Variants in SLC28A1 observed in about 807,000 individuals in gnomAD.
SLC28A1 encodes the protein sodium/nucleoside cotransporter 1.
SLC28A1 carries 64 observed loss-of-function variants against 74.8 expected under a neutral mutation model. The ratio of observed to expected loss-of-function variants is 0.86; its 90% CI spans 0.70 to 1.05. The LOEUF is 1.05. SLC28A1 is among the 50% of genes least tolerant of loss of function. The pLI is 0.00. For synonymous variants in SLC28A1, 359 were observed against 335.0 expected (o/e 1.07, Z -0.78); for missense variants, 828 against 822.8 (o/e 1.01, Z -0.08).
chr15:84,902,521 AT>A (rs1380965665), intron 6 of SLC28A1, among the ~76,000 whole-genome samples: 5 of 151,872 alleles, frequency 3.3e-5, no homozygotes, highest in Non-Finnish European at 7.4e-5. Context: ...CAGAAAACAT[AT>A]CAACTGTTAC....
chr15:84,944,481 G>T, intron 16 of SLC28A1, 85 bp from the exon 17 acceptor site: 1 of 866,180 alleles, frequency 1.2e-6, no homozygotes, highest in South Asian at 1.4e-5. Context: ...GAGGAAGGGA[G>T]GTCAGCAGAT....
the SLC28A1 span, among the ~76,000 whole-genome samples, chr15:84,956,707 G>T: frequency 4.2e-5 from 6 of 141,446 alleles, no homozygotes; most frequent in Non-Finnish European, 7.6e-5. Flanking sequence ...GTCTTCCTGT[G>T]TTGCTAAGGC....
the SLC28A1 span, among the ~76,000 whole-genome samples, chr15:84,972,173 C>T: frequency 1.3e-5 from 2 of 152,258 alleles, no homozygotes; most frequent in South Asian, 2.1e-4. Context: ...TCCCTTCCTC[C>T]AGCCTTCTCA....
chr15:84,956,316 C>A, the SLC28A1 span, among the ~76,000 whole-genome samples: 1 of 152,146 alleles, frequency 6.6e-6, no homozygotes, highest in African/African-American at 2.4e-5. Flanking sequence ...TAATGTGTTT[C>A]TGTCTGATTA....
At chr15:84,964,328 G>A in the SLC28A1 span, among the ~76,000 whole-genome samples, 5 of 152,110 alleles carry the variant, frequency 3.3e-5, no homozygotes, top group Non-Finnish European at 7.4e-5. Flanking sequence ...AACAGGGAAG[G>A]AGGCAAGGAA....
chr15:84,975,437 G>T, the SLC28A1 span: 1 of 455,044 alleles, frequency 2.2e-6, no homozygotes, highest in African/African-American at 2.0e-5. Flanking sequence ...TAGCAGCGAT[G>T]GTTGTTGCCC....
intron 9 of SLC28A1, among the ~76,000 whole-genome samples, chr15:84,912,808 A>ATGCGCGCGCGCGCG (rs1968513676): frequency 3.9e-5 from 2 of 50,878 alleles, no homozygotes; most frequent in African/African-American, 5.8e-5. Context: ...GCGCGCGCGC[A>ATGCGCGCGCGCGCG]CACACACACA....
rs1970813142 is a variant in SLC28A1, at chr15:84,928,567, T to TCTCC, written c.1083+4457_1083+4458insCTCC. Among the ~76,000 whole-genome samples, 3 of 16,426 alleles carry TCTCC rather than the reference T, an allele frequency of 1.8e-4. 1 individual carries two copies. The highest frequency in any genetic ancestry group is 4.8e-4 in the Admixed American group (1 of 2,084). 10.8% of individuals were successfully genotyped at this position (16,426 alleles called of 152,430 possible). A position where few individuals can be genotyped will look rare whatever the true frequency, so the allele number is the denominator to read the frequency against. The stretch of plus-strand genomic sequence containing the variant: ...CTTTCTTTCTTTCTTTCTTTCTTTC[T>TCTCC]TTCTTTCTTTCTTTCTTTCTTTCTT... On this transcript the variant is annotated intron_variant, in intron 12 of 18. Transcript: ENST00000394573.
At chr15:84,943,354 G>C (rs780893667) in intron 15 of SLC28A1, 91 bp from the exon 16 acceptor site, 6 of 892,812 alleles carry the variant, frequency 6.7e-6, no homozygotes, top group Non-Finnish European at 1.1e-5. Flanking sequence ...TAAGAAGTGG[G>C]TAAAATTAAG....
chr15:84,896,505 G>T (rs1347632463), intron 6 of SLC28A1, among the ~76,000 whole-genome samples: 1 of 152,214 alleles, frequency 6.6e-6, no homozygotes, highest in African/African-American at 2.4e-5. Flanking sequence ...GCGAAACAGT[G>T]CAGTTGCTTT....
chr15:84,932,775 A>G (rs752737264), intron 12 of SLC28A1, among the ~76,000 whole-genome samples: 5 of 152,202 alleles, frequency 3.3e-5, no homozygotes, highest in Non-Finnish European at 5.9e-5. Flanking sequence ...GACAGCCTAA[A>G]AAGGAAGAAA....
the SLC28A1 span, among the ~76,000 whole-genome samples, chr15:84,951,494 G>T: frequency 6.6e-6 from 1 of 151,204 alleles, no homozygotes; most frequent in Admixed American, 6.6e-5. Context: ...GAGCAAGACT[G>T]CCACGACAGC....
chr15:84,885,591 T>C (rs145518496), intron 1 of SLC28A1, among the ~76,000 whole-genome samples: 20,325 of 151,376 alleles, frequency 0.13, 1,868 homozygotes, highest in Non-Finnish European at 0.21. Context: ...ATTAGCCAGG[T>C]GTGGTGGCGC....
intron 10 of SLC28A1, 89 bp from the exon 11 acceptor site, chr15:84,920,899 AG>A (rs1969752127): frequency 2.0e-6 from 2 of 1,004,662 alleles, no homozygotes. Context: ...GGGAGTTGGG[AG>A]GAAACTGTGT....
At chr15:84,922,799 T>C (rs951123823) in intron 11 of SLC28A1, among the ~76,000 whole-genome samples, 2 of 152,242 alleles carry the variant, frequency 1.3e-5, no homozygotes, top group Non-Finnish European at 2.9e-5. Flanking sequence ...CTTGCAGAGC[T>C]TCTTGCTGCC....
intron 12 of SLC28A1, among the ~76,000 whole-genome samples, chr15:84,925,079 T>G (rs1029743343): frequency 8.5e-5 from 12 of 140,696 alleles, no homozygotes; most frequent in Non-Finnish European, 1.7e-4. Context: ...TTTTTTTTTT[T>G]TTTTTTTTTT....
chr15:84,942,899 G>A (rs545846303), intron 15 of SLC28A1, among the ~76,000 whole-genome samples: 7 of 152,212 alleles, frequency 4.6e-5, no homozygotes, highest in African/African-American at 1.4e-4. Context: ...AAGGTTGAAG[G>A]ACAGGCTGGG....
intron 12 of SLC28A1, among the ~76,000 whole-genome samples, chr15:84,925,075 T>TTG (rs1264135114): frequency 7.7e-6 from 1 of 129,948 alleles, no homozygotes; most frequent in African/African-American, 2.9e-5. Flanking sequence ...TAGTTTTTTT[T>TTG]TTTTTTTTTT....
chr15:84,975,431 A>C, the SLC28A1 span: 1 of 454,968 alleles, frequency 2.2e-6, no homozygotes, highest in Admixed American at 2.4e-5. Flanking sequence ...AGATAATAGC[A>C]GCGATGGTTG....
Sources: allele counts gnomAD v4.1 joint callset (sites outside exome capture counted in the v4.1 genomes callset), GRCh38; gene constraint gnomAD v4.1.1; transcripts MANE v1.5; gene names NCBI Gene and HGNC (gene_info 2026-07-23, HGNC 2026-07-21).